Variants in TMEM184A observed in about 807,000 individuals in gnomAD.
The protein encoded by TMEM184A is transmembrane protein 184A.
TMEM184A carries 40 observed loss-of-function variants against 39.5 expected under a neutral mutation model. That is an observed-to-expected ratio of 1.01 (90% CI 0.79 to 1.32). The LOEUF (loss-of-function observed/expected upper bound fraction) is 1.32, where lower values mean the gene tolerates loss of function less well. Among genes scored for constraint, TMEM184A ranks in the 40% most tolerant of loss-of-function variants. The pLI, the probability that TMEM184A is intolerant of heterozygous loss-of-function variation, is 0.00. For missense variants in TMEM184A, 603 were observed against 568.8 expected (o/e 1.06, Z -0.61); for synonymous variants, 280 against 252.3 (o/e 1.11, Z -1.04).
intron 7 of TMEM184A, among the ~76,000 whole-genome samples, chr7:1,548,270 G>T (rs565719772): frequency 1.2e-5 from 1 of 83,848 alleles, no homozygotes; most frequent in Non-Finnish European, 2.3e-5. Context: ...CAGGATTCAG[G>T]AAACACCTGG....
At chr7:1,547,488 C>T (rs1020934096) in intron 8 of TMEM184A, among the ~76,000 whole-genome samples, 1 of 152,182 alleles carries the variant, frequency 6.6e-6, no homozygotes, top group Non-Finnish European at 1.5e-5. Context: ...GATGAGAAGC[C>T]GGCAGGCCAC....
At chr7:1,553,136 A>ATTTTTTTTTAATTTTTAATTATTAT (rs11412024) in intron 2 of TMEM184A, among the ~76,000 whole-genome samples, 3 of 151,474 alleles carry the variant, frequency 2.0e-5, no homozygotes, top group Non-Finnish European at 2.9e-5. Context: ...CCACGTTTTT[A>ATTTTTTTTTAATTTTTAATTATTAT]TTTTTTTTAA....
At chr7:1,548,065 C>T in intron 7 of TMEM184A, 126 bp from the exon 8 acceptor site, 1 of 1,096,432 alleles carries the variant, frequency 9.1e-7, no homozygotes, top group Non-Finnish European at 1.3e-6. Context: ...TCGTCCCACC[C>T]CAGGAGACTG....
intron 2 of TMEM184A, among the ~76,000 whole-genome samples, chr7:1,553,917 C>T (rs1013274799): frequency 6.6e-6 from 1 of 152,098 alleles, no homozygotes; most frequent in Non-Finnish European, 1.5e-5. Flanking sequence ...CAAGGGGTCT[C>T]CATGAGCCCT....
At position 1,555,683 on chromosome 7, in the gene TMEM184A, C is replaced by G. The variant is rs1778536751; in HGVS notation, c.1-199G>C. ...TCCGAGCTCAGCCATCGAAGCTCAC[C>G]CATCAACCACCTGCGACCTGAGGGT... On this transcript the variant is annotated intron_variant, in intron 1 of 8. Coordinates refer to ENST00000297477, the MANE Select transcript of TMEM184A (RefSeq NM_001097620.2). This position sits in a 1 kb window ranked among gnomAD's most constrained non-coding sequence, Gnocchi z 5.2. 6.6e-6 allele frequency among the ~76,000 whole-genome samples: 1 copy of G among 152,184 alleles called. No homozygotes were observed.
chr7:1,547,012 G>T lies in TMEM184A; in HGVS notation c.1182C>A (p.Gly394=), dbSNP rs778970084. 2 of 1,554,556 alleles carry T rather than the reference G, an allele frequency of 1.3e-6. No individual in the cohort carries two copies. Among genetic ancestry groups the T allele is most frequent in the South Asian group, 2.2e-5 (2 of 89,282 alleles). Residue 394 remains glycine (G), a synonymous_variant, in exon 9 of 9, where the codon GGC becomes GGA. Coordinates refer to ENST00000297477, the MANE Select transcript of TMEM184A (RefSeq NM_001097620.2). ...RPGTHPSGGS[G]GSRKSRSLEK... ...CCAGGCTCCGGCTCTTCCTGCTCCC[G>T]CCGGAGCCGCCGCTGGGGTGGGTGC...
intron 6 of TMEM184A, chr7:1,549,321 C>T (rs533402331): frequency 1.7e-5 from 7 of 413,796 alleles, no homozygotes; most frequent in African/African-American, 1.0e-4. Flanking sequence ...CTTGGACCTT[C>T]GCAGGGGTCC....
At position 1,547,832 on chromosome 7, in the gene TMEM184A, T is replaced by C. The variant is rs773380325; in HGVS notation, c.922A>G (p.Ile308Val). The C allele has an allele frequency of 1.7e-5, 27 of 1,612,204 alleles. No individual in the cohort carries two copies. In the East Asian group the frequency reaches 5.1e-4, roughly 31 times the overall value. Residue 308 changes from isoleucine to valine, a missense_variant, in exon 8 of 9, where the codon ATC becomes GTC. Transcript: ENST00000297477. ...GCGAACAGCATCTCCACGCAGATGATGAAGTTCTGGTAGCCGGCGGCCAGC... is the reference window on the plus strand; with the variant it reads ...GCGAACAGCATCTCCACGCAGATGACGAAGTTCTGGTAGCCGGCGGCCAGC... ...GTLAAGYQNF[I>V]ICVEMLFASV...
In TMEM184A at chr7:1,547,080, G is replaced by T. The variant is rs776988801; in HGVS notation, c.1114C>A (p.Gln372Lys). ...TGCGTGGCCTGCTGCGTGTAGTGCT[G>T]GTAGGCGGGGGAGAAGTTGTGGATG... The part of the protein sequence containing the change: ...DAIHNFSPAY[Q>K]HYTQQATHEA... The change falls in exon 9 of 9, where the codon CAG becomes AAG. Residue 372 changes from glutamine to lysine, a missense_variant. Gln to Lys is a moderately conservative substitution (Grantham distance 53). Transcript: ENST00000297477. 6.2e-7 allele frequency: 1 copy of T among 1,610,276 alleles called. No individual in the cohort carries two copies. Among genetic ancestry groups the T allele is most frequent in the South Asian group, 1.1e-5 (1 of 91,048 alleles).
At chr7:1,553,657 C>T (rs999062985) in intron 2 of TMEM184A, among the ~76,000 whole-genome samples, 1 of 152,198 alleles carries the variant, frequency 6.6e-6, no homozygotes, top group Non-Finnish European at 1.5e-5. Flanking sequence ...GAGGCAGGAA[C>T]AGACTCTTAT....
chr7:1,551,816 A>C (rs936200990), intron 2 of TMEM184A, among the ~76,000 whole-genome samples: 1 of 152,034 alleles, frequency 6.6e-6, no homozygotes, highest in African/African-American at 2.4e-5. Context: ...GCGCGCCTGT[A>C]ATCCCAGCTA....
At position 1,543,848 on chromosome 7, in the gene TMEM184A, G is replaced by A. The variant is rs1047717144; in HGVS notation, c.*3104C>T. ...GGGTTTCACCATGTTGCCCAGGCTGGTCTCAGACTCCTGGGCTCAAGCAAT... is the reference window on the plus strand; with the variant it reads ...GGGTTTCACCATGTTGCCCAGGCTGATCTCAGACTCCTGGGCTCAAGCAAT... On this transcript the variant is annotated 3_prime_UTR_variant, in exon 9 of 9. Transcript: ENST00000297477. The A allele has an allele frequency of 6.6e-6, 1 of 152,086 alleles. No individual in the cohort carries two copies. Among genetic ancestry groups the A allele is most frequent in the Non-Finnish European group, 1.5e-5 (1 of 68,044 alleles). The allele number at this position is 152,086 out of a possible 1,614,324, so 9.4% of individuals were successfully genotyped here.
intron 2 of TMEM184A, among the ~76,000 whole-genome samples, chr7:1,553,598 A>G (rs1354316978): frequency 6.6e-6 from 1 of 152,146 alleles, no homozygotes; most frequent in Non-Finnish European, 1.5e-5. Context: ...AGCAGAGGCT[A>G]CGTGCACCTG....
intron 6 of TMEM184A, chr7:1,549,038 T>A (rs1294262531): frequency 3.9e-6 from 2 of 514,950 alleles, no homozygotes; most frequent in Non-Finnish European, 3.8e-6. Context: ...TGCCTGAAGA[T>A]CCTCTGTGTG....
chr7:1,555,548 A>G lies in TMEM184A; in HGVS notation c.1-64T>C. On this transcript the variant is annotated intron_variant, in intron 1 of 8. Transcript: ENST00000297477. The surrounding 1 kb of genome is among the most constrained non-coding windows in gnomAD (Gnocchi z 5.2). ...GGCAAAGGTACTGGCTCCCGGCAGC[A>G]GGAAGCAGCGGGGGAGGGAGGAGAC... 2 of 1,317,546 alleles carry G rather than the reference A, an allele frequency of 1.5e-6. No homozygotes were observed. Among genetic ancestry groups the G allele is most frequent in the Non-Finnish European group, 1.1e-6 (1 of 926,680 alleles). 81.6% of individuals were successfully genotyped at this position (1,317,546 alleles called of 1,614,324 possible).
chr7:1,555,914 G>T lies in TMEM184A; in HGVS notation c.-1+200C>A, dbSNP rs976096612. 7.9e-6 allele frequency: 2 copies of T among 254,048 alleles called. No homozygotes were observed. The highest frequency in any genetic ancestry group is 4.7e-5 in the African/African-American group (2 of 42,214). 15.7% of individuals were successfully genotyped at this position (254,048 alleles called of 1,614,324 possible). On this transcript the variant is annotated intron_variant, in intron 1 of 8. Transcript: ENST00000297477. The surrounding 1 kb of genome is among the most constrained non-coding windows in gnomAD (Gnocchi z 5.2). ...GGAGGGGGTGTGCAGCCACCCTCAT[G>T]GGAGGAGCCGGCCCTCACTGGCTCT...
At position 1,550,198 on chromosome 7, in the gene TMEM184A, C is replaced by T; in HGVS notation, c.477G>A (p.Lys159=). 1 of 1,607,462 alleles carries T rather than the reference C, an allele frequency of 6.2e-7. No individual in the cohort carries two copies. The highest frequency in any genetic ancestry group is 8.5e-7 in the Non-Finnish European group (1 of 1,177,668). ...IMAEIRGKPI[K]SSCLYGTCCL... ...AGCAGGTGCCGTACAAGCAGCTGGA[C>T]CTGCGGGGGACGTCCCTGAGCCGGT... is the stretch of plus-strand genomic sequence containing the variant. Residue 159 remains lysine (K), a splice_region_variant and synonymous_variant, in exon 5 of 9, where the codon AAG becomes AAA. Transcript: ENST00000297477.
At position 1,555,881 on chromosome 7, in the gene TMEM184A, C is replaced by T. The variant is rs1234415356; in HGVS notation, c.-1+233G>A. On this transcript the variant is annotated intron_variant, in intron 1 of 8. Coordinates refer to ENST00000297477, the MANE Select transcript of TMEM184A (RefSeq NM_001097620.2). This position sits in a 1 kb window ranked among gnomAD's most constrained non-coding sequence, Gnocchi z 5.2. ...AGCGGGCGCAGACCAGCACTGCCTG[C>T]CCCGGCAGGAGGGGGTGTGCAGCCA... 2 of 275,390 alleles carry T rather than the reference C, an allele frequency of 7.3e-6. No individual in the cohort carries two copies. The highest frequency in any genetic ancestry group is 3.4e-5 in the South Asian group (1 of 29,620). 17.1% of individuals were successfully genotyped at this position (275,390 alleles called of 1,614,324 possible).
Position 1,550,910 on chromosome 7 carries a change from G to C in TMEM184A, c.292C>G (p.Pro98Ala). ...AGCCAGGAGTCGAAGGCGTAGATGGGCACGATGAGGAGCAGGCGGATGATG... is the reference window on the plus strand; with the variant it reads ...AGCCAGGAGTCGAAGGCGTAGATGGCCACGATGAGGAGCAGGCGGATGATG... ...RYIIRLLLIVPIYAFDSWLSL... is the reference protein window; with the variant it reads ...RYIIRLLLIVAIYAFDSWLSL... Residue 98 changes from proline to alanine, a missense_variant, in exon 3 of 9, where the codon CCC (proline) becomes GCC (alanine). Physicochemically the swap from Pro to Ala is conservative, Grantham distance 27. Transcript: ENST00000297477. 1 of 1,613,878 alleles carries C rather than the reference G, an allele frequency of 6.2e-7. No homozygotes were observed. Among genetic ancestry groups the C allele is most frequent in the Non-Finnish European group, 8.5e-7 (1 of 1,179,978 alleles).
Sources: gnomAD v4.1 joint callset for allele counts (sites outside exome capture counted in the v4.1 genomes callset) on GRCh38, gnomAD v4.1.1 for gene constraint, Gnocchi (gnomAD v3.1) non-coding constraint, MANE v1.5 for transcripts, NCBI Gene and HGNC (gene_info 2026-07-23, HGNC 2026-07-21) for gene names.